GALNTL6: variants seen among roughly 807,000 people sequenced by gnomAD.
The protein encoded by GALNTL6 is polypeptide N-acetylgalactosaminyltransferase-like 6.
Under a neutral mutation model 73.7 loss-of-function variants are expected in GALNTL6, and 46 were observed. The ratio of observed to expected loss-of-function variants is 0.62; its 90% confidence interval spans 0.49 to 0.80. GALNTL6 has a LOEUF of 0.80. Among genes scored for constraint, GALNTL6 ranks in the 30% least tolerant of loss-of-function variants. The pLI is 0.00. For synonymous variants in GALNTL6, 259 were observed against 263.7 expected, an observed-to-expected ratio of 0.98 and a Z score of 0.17; for missense variants, 604 against 755.0, an observed-to-expected ratio of 0.80 and a Z score of 2.34.
chr4:171,924,215 A>AAC (rs145843057), intron 2 of GALNTL6, among the ~76,000 whole-genome samples: 135 of 118,680 alleles, frequency 1.1e-3, no homozygotes, highest in South Asian at 0.011. Flanking sequence ...CACACACACA[A>AAC]ACACACACAC....
intron 2 of GALNTL6, among the ~76,000 whole-genome samples, chr4:171,935,616 C>A (rs890868968): frequency 2.6e-5 from 4 of 152,158 alleles, no homozygotes; most frequent in Admixed American, 6.5e-5. Flanking sequence ...ACCACAGCGA[C>A]ATGCCACCAC....
intron 2 of GALNTL6, among the ~76,000 whole-genome samples, chr4:171,991,091 GA>G (rs2110736883): frequency 6.6e-6 from 1 of 152,118 alleles, no homozygotes; most frequent in South Asian, 2.1e-4. Context: ...AGAGCCACAT[GA>G]AAAAATTAAT....
chr4:172,475,044 T>A (rs1165821217), intron 5 of GALNTL6, among the ~76,000 whole-genome samples: 1 of 152,198 alleles, frequency 6.6e-6, no homozygotes, highest in Non-Finnish European at 1.5e-5. Flanking sequence ...TGAGTGTAAT[T>A]TTATTTATTG....
At chr4:172,133,407 T>C (rs1417817425) in intron 2 of GALNTL6, among the ~76,000 whole-genome samples, 1 of 152,252 alleles carries the variant, frequency 6.6e-6, no homozygotes, top group South Asian at 2.1e-4. Context: ...AAATAGATTA[T>C]TCATTGTTGA....
At chr4:172,206,814 G>GTTT (rs796625697) in intron 2 of GALNTL6, among the ~76,000 whole-genome samples, 19 of 57,986 alleles carry the variant, frequency 3.3e-4, no homozygotes, top group African/African-American at 7.9e-4. Context: ...TGTTTTTTTT[G>GTTT]TTTGTTTTTT....
At position 172,393,300 on chromosome 4, in the gene GALNTL6, T is replaced by C. The variant is rs544525709; in HGVS notation, c.553+44611T>C. On this transcript the variant is annotated intron_variant, in intron 5 of 12. Coordinates refer to ENST00000506823, the MANE Select transcript of GALNTL6 (RefSeq NM_001034845.3). Reference sequence around the variant, plus strand: ...ATAAGGTATAAGCACTTCTAGGAACTGGGCAACATCACCCCTCCACATATC... The same window carrying C: ...ATAAGGTATAAGCACTTCTAGGAACCGGGCAACATCACCCCTCCACATATC... Among the ~76,000 whole-genome samples, 9 of 152,326 alleles carry C rather than the reference T, an allele frequency of 5.9e-5. No individual in the cohort carries two copies. The East Asian group carries it at 1.7e-3, about 29-fold the overall frequency.
intron 2 of GALNTL6, among the ~76,000 whole-genome samples, chr4:171,988,107 A>G (rs560296367): frequency 1.5e-4 from 23 of 152,320 alleles, no homozygotes; most frequent in African/African-American, 5.5e-4. Flanking sequence ...TTAAAGCAGC[A>G]GCAGCCACTG....
chr4:172,082,984 C>A (rs1560915347), intron 2 of GALNTL6, among the ~76,000 whole-genome samples: 1 of 152,034 alleles, frequency 6.6e-6, no homozygotes, highest in Non-Finnish European at 1.5e-5. Context: ...TAAAATATTT[C>A]CCAAAAGCTT....
At chr4:172,979,542 GCCT>G (rs1395073614) in intron 10 of GALNTL6, among the ~76,000 whole-genome samples, 1 of 152,204 alleles carries the variant, frequency 6.6e-6, no homozygotes, top group Admixed American at 6.5e-5. Flanking sequence ...CAATGCAAGA[GCCT>G]CCTACTTTTC....
At chr4:172,950,728 A>G (rs73002075) in intron 9 of GALNTL6, among the ~76,000 whole-genome samples, 313 of 152,344 alleles carry the variant, frequency 2.1e-3, no homozygotes, top group African/African-American at 4.9e-3. Context: ...CTTTTCCTAA[A>G]TATCACTAGC....
intron 5 of GALNTL6, among the ~76,000 whole-genome samples, chr4:172,433,458 G>T (rs535473584): frequency 6.6e-6 from 1 of 152,188 alleles, no homozygotes; most frequent in Non-Finnish European, 1.5e-5. Flanking sequence ...TTCCCTGCCT[G>T]ATGGACACGG....
chr4:171,817,561 T>C (rs1377143553), intron 2 of GALNTL6, among the ~76,000 whole-genome samples: 1 of 151,820 alleles, frequency 6.6e-6, no homozygotes, highest in African/African-American at 2.4e-5. Flanking sequence ...CAATGTTTAG[T>C]ATTTAACACT....
At chr4:172,631,384 G>A (rs547041320) in intron 5 of GALNTL6, among the ~76,000 whole-genome samples, 1 of 152,016 alleles carries the variant, frequency 6.6e-6, no homozygotes, top group Non-Finnish European at 1.5e-5. Context: ...AGCTCAGGTA[G>A]TCCACCTGCC....
intron 5 of GALNTL6, among the ~76,000 whole-genome samples, chr4:172,750,972 G>T (rs1483500539): frequency 1.3e-5 from 2 of 152,120 alleles, no homozygotes; most frequent in Non-Finnish European, 2.9e-5. Context: ...CAAAAAAGGA[G>T]TCCTATTTCA....
intron 5 of GALNTL6, among the ~76,000 whole-genome samples, chr4:172,591,327 A>G (rs1737627593): frequency 6.6e-6 from 1 of 152,226 alleles, no homozygotes; most frequent in African/African-American, 2.4e-5. Flanking sequence ...GTTAAGATGG[A>G]TATTTCATAC....
intron 10 of GALNTL6, among the ~76,000 whole-genome samples, chr4:172,983,569 C>A (rs930084867): frequency 6.6e-6 from 1 of 152,140 alleles, no homozygotes; most frequent in Non-Finnish European, 1.5e-5. Flanking sequence ...GTGGCACATG[C>A]CTGTAATACC....
intron 5 of GALNTL6, among the ~76,000 whole-genome samples, chr4:172,689,898 G>C (rs1003949691): frequency 6.6e-6 from 1 of 151,484 alleles, no homozygotes; most frequent in Admixed American, 6.6e-5. Flanking sequence ...GCTAAAGCTC[G>C]TGATTTTTAA....
At chr4:171,985,703 T>C (rs1740051680) in intron 2 of GALNTL6, among the ~76,000 whole-genome samples, 1 of 151,784 alleles carries the variant, frequency 6.6e-6, no homozygotes. Flanking sequence ...ATTAGGGCTG[T>C]CACTGAAAAT....
At chr4:172,617,045 A>C (rs1483730731) in intron 5 of GALNTL6, among the ~76,000 whole-genome samples, 1 of 147,120 alleles carries the variant, frequency 6.8e-6, no homozygotes, top group Non-Finnish European at 1.5e-5. Flanking sequence ...AATGTTTCGC[A>C]TTTTTTTTTT....
Sources: gnomAD v4.1 joint callset for allele counts (sites outside exome capture counted in the v4.1 genomes callset) on GRCh38, gnomAD v4.1.1 for gene constraint, MANE v1.5 for transcripts, NCBI Gene and HGNC (gene_info 2026-07-23, HGNC 2026-07-21) for gene names.